PPME1: variants seen among roughly 807,000 people sequenced by gnomAD.
The protein encoded by PPME1 is testicular secretory protein Li 39.
In PPME1, 17 loss-of-function variants were observed where a neutral mutation model predicts 56.9. The ratio of observed to expected loss-of-function variants is 0.30; its 90% confidence interval spans 0.20 to 0.45. The LOEUF (loss-of-function observed/expected upper bound fraction) is 0.45. Among genes scored for constraint, PPME1 ranks in the 20% least tolerant of loss-of-function variants. The pLI, the probability that PPME1 is intolerant of heterozygous loss-of-function variation, is 1.00. For missense variants in PPME1, 357 were observed against 483.2 expected (o/e 0.74, Z 2.45); for synonymous variants, 122 against 156.2 (o/e 0.78, Z 1.63).
intron 12 of PPME1, 169 bp from the exon 13 acceptor site, chr11:74,251,479 T>G: frequency 7.0e-7 from 1 of 1,430,632 alleles, no homozygotes; most frequent in Non-Finnish European, 9.1e-7. Flanking sequence ...TGGGGAGGAG[T>G]CTTCTAGCTC....
chr11:74,203,684 T>C (rs1320430683), intron 1 of PPME1, 44 bp from the exon 2 acceptor site: 1 of 1,466,064 alleles, frequency 6.8e-7, no homozygotes, highest in East Asian at 2.3e-5. Flanking sequence ...TTTATCTCTT[T>C]ATGCATAATT....
At chr11:74,244,471 G>A (rs758863355) in intron 9 of PPME1, among the ~76,000 whole-genome samples, 3 of 152,102 alleles carry the variant, frequency 2.0e-5, no homozygotes, top group Admixed American at 6.5e-5. Context: ...TGGGGGTGAG[G>A]TGGTATCTCA....
Position 74,250,993 on chromosome 11 carries a change from C to T in PPME1, c.1049C>T (p.Ala350Val). The change falls in exon 12 of 14, where the codon GCA becomes GTA. Residue 350 changes from alanine to valine, a missense_variant. Around this residue, in one of 2 missense-constraint regions of PPME1, gnomAD observed 182 missense variants for 293.8 expected, o/e 0.62. Transcript: ENST00000328257. ...CAGGTCCTACCCCAGTGTGGCCATG[C>T]AGTCCATGAGGATGCCCCTGACAAG... ...QMQVLPQCGHAVHEDAPDKVA... is the reference protein window; with the variant it reads ...QMQVLPQCGHVVHEDAPDKVA... The T allele has an allele frequency of 1.2e-6, 2 of 1,600,490 alleles. No homozygotes were observed. Among genetic ancestry groups the T allele is most frequent in the East Asian group, 2.3e-5 (1 of 44,376 alleles).
intron 11 of PPME1, chr11:74,249,203 G>A (rs1859589425): frequency 6.6e-6 from 1 of 152,178 alleles, no homozygotes; most frequent in Non-Finnish European, 1.5e-5. Context: ...ACATTCCACA[G>A]AACAAAGGGA....
intron 3 of PPME1, among the ~76,000 whole-genome samples, chr11:74,219,711 G>C (rs553369308): frequency 6.3e-4 from 96 of 152,256 alleles, no homozygotes; most frequent in Non-Finnish European, 1.3e-3. Flanking sequence ...CTCATGGAGA[G>C]TAGAAGGATG....
intron 1 of PPME1, among the ~76,000 whole-genome samples, chr11:74,187,979 G>A (rs1030352135): frequency 3.9e-5 from 6 of 152,174 alleles, no homozygotes; most frequent in Non-Finnish European, 8.8e-5. Flanking sequence ...TGAGAGATTT[G>A]AAGATGCTGT....
chr11:74,216,618 T>G (rs1858652155), intron 3 of PPME1, among the ~76,000 whole-genome samples: 1 of 151,760 alleles, frequency 6.6e-6, no homozygotes, highest in Non-Finnish European at 1.5e-5. Context: ...GCAAAATTAG[T>G]AGGAGACAAG....
At chr11:74,202,384 C>T (rs540673899) in intron 1 of PPME1, among the ~76,000 whole-genome samples, 23 of 152,292 alleles carry the variant, frequency 1.5e-4, no homozygotes, top group African/African-American at 4.3e-4. Context: ...GGTTCAATGC[C>T]TAGAACAGAG....
At chr11:74,222,679 G>A (rs1008112515) in intron 4 of PPME1, 5 of 320,104 alleles carry the variant, frequency 1.6e-5, no homozygotes, top group South Asian at 2.7e-5. Flanking sequence ...AGTAGAGACC[G>A]GGTTTCACCA....
chr11:74,215,916 T>G (rs1858627552), intron 3 of PPME1, among the ~76,000 whole-genome samples: 1 of 152,194 alleles, frequency 6.6e-6, no homozygotes, highest in Non-Finnish European at 1.5e-5. Context: ...AAAGTCATTA[T>G]ATAATGATAA....
At chr11:74,186,766 G>A (rs1377411242) in intron 1 of PPME1, among the ~76,000 whole-genome samples, 1 of 152,182 alleles carries the variant, frequency 6.6e-6, no homozygotes, top group Non-Finnish European at 1.5e-5. Flanking sequence ...TGTAGAAAGA[G>A]AATGAAAGTG....
chr11:74,225,280 A>T, intron 5 of PPME1, 24 bp downstream of exon 5: 1 of 1,486,414 alleles, frequency 6.7e-7, no homozygotes, highest in South Asian at 1.2e-5. Flanking sequence ...TATTTCTTAT[A>T]CATTGCCTGT....
chr11:74,235,239 C>G (rs1331564063), intron 7 of PPME1, among the ~76,000 whole-genome samples: 1 of 152,122 alleles, frequency 6.6e-6, no homozygotes, highest in African/African-American at 2.4e-5. Flanking sequence ...CTTAGTTGTA[C>G]TTAGGTGGAC....
At chr11:74,250,258 C>G (rs1245264668) in intron 11 of PPME1, 1 of 152,086 alleles carries the variant, frequency 6.6e-6, no homozygotes. Flanking sequence ...CCTTAGGGAT[C>G]TTCTTTATCA....
chr11:74,184,754 C>T (rs1360976724), intron 1 of PPME1, among the ~76,000 whole-genome samples: 1 of 152,104 alleles, frequency 6.6e-6, no homozygotes, highest in African/African-American at 2.4e-5. Flanking sequence ...ACCTATTTCC[C>T]CCCTGCATGA....
intron 3 of PPME1, 69 bp from the exon 4 acceptor site, chr11:74,222,243 T>A: frequency 8.2e-7 from 1 of 1,223,620 alleles, no homozygotes; most frequent in Non-Finnish European, 1.2e-6. Context: ...TTTTACAAAG[T>A]TATCATTGGG....
intron 3 of PPME1, among the ~76,000 whole-genome samples, chr11:74,208,092 T>A (rs1316954083): frequency 1.3e-5 from 2 of 151,976 alleles, no homozygotes; most frequent in African/African-American, 4.8e-5. Flanking sequence ...AGCGGGCAGA[T>A]CACAAGGTCA....
intron 1 of PPME1, among the ~76,000 whole-genome samples, chr11:74,203,072 T>TC (rs1858215762): frequency 6.6e-6 from 1 of 152,218 alleles, no homozygotes; most frequent in Non-Finnish European, 1.5e-5. Context: ...TTTTCATCGG[T>TC]CCCCTATTGA....
At chr11:74,199,709 C>A (rs1858097123) in intron 1 of PPME1, among the ~76,000 whole-genome samples, 1 of 152,176 alleles carries the variant, frequency 6.6e-6, no homozygotes, top group Non-Finnish European at 1.5e-5. Flanking sequence ...ATATCCAAGA[C>A]TGGGTAATTT....
Sources: allele counts gnomAD v4.1 joint callset (sites outside exome capture counted in the v4.1 genomes callset), GRCh38; gene constraint gnomAD v4.1.1; regional missense constraint gnomAD v4.1.1; transcripts MANE v1.5; gene names NCBI Gene and HGNC (gene_info 2026-07-23, HGNC 2026-07-21).